Variants in AMMECR1 observed in about 807,000 individuals in gnomAD.
The protein encoded by AMMECR1 is nuclear protein AMMECR1.
AMMECR1 carries 3 observed loss-of-function variants against 22.5 expected under a neutral mutation model. That is an observed-to-expected ratio of 0.13 (90% CI 0.06 to 0.35). The LOEUF (loss-of-function observed/expected upper bound fraction) is 0.35. Among genes scored for constraint, AMMECR1 ranks in the 10% least tolerant of loss-of-function variants. The pLI, the probability that AMMECR1 is intolerant of heterozygous loss-of-function variation, is 1.00. For synonymous variants in AMMECR1, 130 were observed against 116.7 expected (o/e 1.11, Z -0.74); for missense variants, 235 against 278.7 (o/e 0.84, Z 1.12).
chrX:110,268,446 G>A (rs757367729), intron 1 of AMMECR1, among the ~76,000 whole-genome samples: 2 of 112,199 alleles, frequency 1.8e-5, no homozygotes, highest in South Asian at 7.3e-4. Flanking sequence ...AAGTACACGT[G>A]TATGGAATTA....
At chrX:110,388,066 A>T (rs1274515579) in intron 2 of AMMECR1, among the ~76,000 whole-genome samples, 2 of 110,120 alleles carry the variant, frequency 1.8e-5, no homozygotes, top group Admixed American at 1.9e-4. Flanking sequence ...ACGGGGTTTC[A>T]TCATGTTAGC....
chrX:110,200,707 G>A (rs1008566681), intron 5 of AMMECR1, among the ~76,000 whole-genome samples: 1 of 111,839 alleles, frequency 8.9e-6, no homozygotes, highest in Non-Finnish European at 1.9e-5. Context: ...ATCTCCAAGG[G>A]CTTGCTCGTA....
chrX:110,235,856 T>C (rs967638682), intron 2 of AMMECR1, among the ~76,000 whole-genome samples: 2 of 111,233 alleles, frequency 1.8e-5, no homozygotes, highest in Non-Finnish European at 3.8e-5. Context: ...GAGAAATACC[T>C]AATGCAAATG....
At chrX:110,438,610 G>A (rs185037205) in intron 1 of AMMECR1, among the ~76,000 whole-genome samples, 14 of 111,305 alleles carry the variant, frequency 1.3e-4, no homozygotes, top group African/African-American at 2.0e-4. Flanking sequence ...AATTCCTCCC[G>A]AGACTAGTTT....
At chrX:110,339,507 T>G (rs2068155464) in intron 2 of AMMECR1, among the ~76,000 whole-genome samples, 1 of 110,364 alleles carries the variant, frequency 9.1e-6, no homozygotes, top group South Asian at 3.8e-4. Context: ...TTATTATTAT[T>G]TTTTTGGAGA....
At chrX:110,322,948 A>C (rs1009166477), upstream of AMMECR1, among the ~76,000 whole-genome samples, 6 of 111,597 alleles carry the variant, frequency 5.4e-5, no homozygotes, top group African/African-American at 2.0e-4. Flanking sequence ...GACGTTGGCT[A>C]TCCACCCTAC....
chrX:110,393,294 T>A (rs1005126047), intron 2 of AMMECR1, among the ~76,000 whole-genome samples: 1 of 112,213 alleles, frequency 8.9e-6, no homozygotes, highest in Non-Finnish European at 1.9e-5. Flanking sequence ...ATAGTTGTTA[T>A]GTAAAGTGCT....
chrX:110,370,950 G>C (rs1303188318), intron 2 of AMMECR1, among the ~76,000 whole-genome samples: 2 of 111,624 alleles, frequency 1.8e-5, no homozygotes, highest in Non-Finnish European at 3.8e-5. Flanking sequence ...CTCCCCATAG[G>C]CCTGACAATT....
intron 1 of AMMECR1, among the ~76,000 whole-genome samples, chrX:110,300,665 A>G (rs757902477): frequency 5.3e-4 from 59 of 111,963 alleles, no homozygotes; most frequent in Non-Finnish European, 8.8e-4. Context: ...ATAATGCTTT[A>G]TTTTTGTGAA....
chrX:110,234,511 T>C (rs1472878964), intron 2 of AMMECR1, among the ~76,000 whole-genome samples: 2 of 111,976 alleles, frequency 1.8e-5, no homozygotes, highest in Non-Finnish European at 3.8e-5. Flanking sequence ...AAAAAGAGCC[T>C]GCATTGCCAA....
chrX:110,299,076 T>C (rs2067952555), intron 1 of AMMECR1, among the ~76,000 whole-genome samples: 1 of 111,914 alleles, frequency 8.9e-6, no homozygotes, highest in Admixed American at 9.5e-5. Flanking sequence ...AAAGTTAATA[T>C]GTGTGAATGA....
chrX:110,307,853 CTTTT>C (rs1158202877), intron 1 of AMMECR1, among the ~76,000 whole-genome samples: 6 of 90,994 alleles, frequency 6.6e-5, no homozygotes, highest in African/African-American at 1.2e-4. Flanking sequence ...CTGCTAGAAA[CTTTT>C]TTTTTTCTTT....
chrX:110,399,631 G>T (rs930203979), intron 2 of AMMECR1, among the ~76,000 whole-genome samples: 2 of 112,149 alleles, frequency 1.8e-5, no homozygotes, highest in African/African-American at 6.5e-5. Flanking sequence ...AAGGCGACCT[G>T]GTTCACTTAC....
chrX:110,236,978 T>C (rs2067605075), intron 2 of AMMECR1, among the ~76,000 whole-genome samples: 1 of 111,488 alleles, frequency 9.0e-6, no homozygotes, highest in Non-Finnish European at 1.9e-5. Context: ...ATGATAAAGT[T>C]ACAGAATTGC....
chrX:110,256,066 TAAAC>T (rs2067709601), intron 2 of AMMECR1, among the ~76,000 whole-genome samples: 1 of 112,185 alleles, frequency 8.9e-6, no homozygotes, highest in Non-Finnish European at 1.9e-5. Flanking sequence ...AATGCATCAT[TAAAC>T]AATTTCATTG....
chrX:110,363,914 A>T (rs186167081), intron 2 of AMMECR1, among the ~76,000 whole-genome samples: 318 of 112,234 alleles, frequency 2.8e-3, no homozygotes, highest in Non-Finnish European at 5.3e-3. Flanking sequence ...GACGGAACTG[A>T]GGCTCAGAGA....
chrX:110,216,230 A>C (rs774941729), intron 3 of AMMECR1, among the ~76,000 whole-genome samples: 3 of 111,921 alleles, frequency 2.7e-5, no homozygotes, highest in Non-Finnish European at 5.6e-5. Flanking sequence ...AATTCCAGTC[A>C]GTCCTTCTTA....
intron 1 of AMMECR1, among the ~76,000 whole-genome samples, chrX:110,307,372 A>G (rs2068001790): frequency 8.9e-6 from 1 of 112,054 alleles, no homozygotes; most frequent in Non-Finnish European, 1.9e-5. Context: ...TAAATTGACC[A>G]TAGTAGGTCC....
intron 1 of AMMECR1, among the ~76,000 whole-genome samples, chrX:110,311,715 T>A (rs946567340): frequency 8.9e-6 from 1 of 112,176 alleles, no homozygotes; most frequent in African/African-American, 3.2e-5. Context: ...CTTCTTCCTT[T>A]GGGTTATTTT....
Sources: gnomAD v4.1 joint callset for allele counts (sites outside exome capture counted in the v4.1 genomes callset) on GRCh38, gnomAD v4.1.1 for gene constraint, MANE v1.5 for transcripts, NCBI Gene and HGNC (gene_info 2026-07-23, HGNC 2026-07-21) for gene names.